KIF16B: variants seen among roughly 807,000 people sequenced by gnomAD.
KIF16B encodes the protein kinesin-like protein KIF16B.
KIF16B carries 98 observed loss-of-function variants against 156.3 expected under a neutral mutation model. That is an observed-to-expected ratio of 0.63 (90% confidence interval 0.53 to 0.74). The LOEUF (loss-of-function observed/expected upper bound fraction) is 0.74, where lower values mean the gene tolerates loss of function less well. KIF16B is among the 30% of genes least tolerant of loss of function. The probability of loss-of-function intolerance (pLI) is 0.00; values close to 1 mark genes in which losing one functional copy is unlikely to be tolerated. For synonymous variants in KIF16B, 564 were observed against 583.7 expected (o/e 0.97, Z 0.49); for missense variants, 1,421 against 1,606.5 (o/e 0.88, Z 1.97).
At position 16,289,625 on chromosome 20, in the gene KIF16B, G is replaced by A. The variant is rs150702175; in HGVS notation, c.3796-16214C>T. On this transcript the variant is annotated intron_variant, in intron 25 of 25. Coordinates refer to ENST00000354981, the MANE Select transcript of KIF16B (RefSeq NM_024704.5). ...TCCCAGCACTTTGGTAGGCCGAGGC[G>A]GACGGATCACGAGGTCAGGAGATCA... Among the ~76,000 whole-genome samples, 456 of 152,096 alleles carry A rather than the reference G, an allele frequency of 3.0e-3. 1 individual carries two copies. The highest frequency in any genetic ancestry group is 6.8e-3 in the Middle Eastern group (2 of 294).
chr20:16,553,505 T>C (rs1017129892), intron 1 of KIF16B, among the ~76,000 whole-genome samples: 2 of 152,194 alleles, frequency 1.3e-5, no homozygotes, highest in African/African-American at 4.8e-5. Context: ...GAGACAGACA[T>C]TGAGCCTAAG....
At chr20:16,477,998 G>T (rs557597387) in intron 12 of KIF16B, among the ~76,000 whole-genome samples, 1 of 152,238 alleles carries the variant, frequency 6.6e-6, no homozygotes, top group African/African-American at 2.4e-5. Context: ...ACCTCAGAAG[G>T]TACCGATGGG....
intron 12 of KIF16B, among the ~76,000 whole-genome samples, chr20:16,461,745 T>C (rs2146680797): frequency 6.6e-6 from 1 of 152,202 alleles, no homozygotes; most frequent in Middle Eastern, 3.4e-3. Flanking sequence ...AACTGTTAGA[T>C]AAAAGAAAGA....
Position 16,407,607 on chromosome 20 carries a change from AAGG to A in KIF16B, c.1613-1154_1613-1152del, listed in dbSNP as rs1472123660. On this transcript the variant is annotated intron_variant, in intron 15 of 25. Transcript: ENST00000354981. ...TTGCAGAGAGAGTCTAAGCTATAGA[AAGG>A]AGAATGGCCTGCTATGCTCAGGACA... 3.3e-5 allele frequency among the ~76,000 whole-genome samples: 5 copies of A among 152,228 alleles called. No homozygotes were observed. The East Asian group carries it at 9.7e-4, about 29-fold the overall frequency.
At chr20:16,484,047 T>C (rs1475690047) in intron 12 of KIF16B, among the ~76,000 whole-genome samples, 2 of 152,154 alleles carry the variant, frequency 1.3e-5, no homozygotes, top group East Asian at 1.9e-4. Flanking sequence ...TAGCAATAAA[T>C]ACGCAGTCAG....
intron 1 of KIF16B, among the ~76,000 whole-genome samples, chr20:16,567,495 G>T (rs2071295933): frequency 6.6e-6 from 1 of 152,124 alleles, no homozygotes; most frequent in South Asian, 2.1e-4. Flanking sequence ...GAGGCCATGG[G>T]CTTCTGTCAT....
intron 3 of KIF16B, among the ~76,000 whole-genome samples, chr20:16,517,954 A>G (rs148082246): frequency 8.9e-4 from 136 of 152,336 alleles, no homozygotes; most frequent in African/African-American, 3.2e-3. Context: ...AAAGGTTTTC[A>G]GAATAAAATT....
Position 16,517,210 on chromosome 20 carries a change from C to T in KIF16B, c.232-1546G>A, listed in dbSNP as rs139365080. Among the ~76,000 whole-genome samples, 1,255 of 152,346 alleles carry T rather than the reference C, an allele frequency of 8.2e-3. 7 individuals carry two copies. The highest frequency in any genetic ancestry group is 0.013 in the Non-Finnish European group (883 of 68,026). On this transcript the variant is annotated intron_variant, in intron 3 of 25. Coordinates refer to ENST00000354981, the MANE Select transcript of KIF16B (RefSeq NM_024704.5). ...CCATCTTCCCACTGACTTCTACAGA[C>T]TTTGTTTCCTCAGCCTCATCAGTAA...
At chr20:16,568,409 A>T (rs1190768949) in intron 1 of KIF16B, among the ~76,000 whole-genome samples, 2 of 152,224 alleles carry the variant, frequency 1.3e-5, no homozygotes, top group Non-Finnish European at 2.9e-5. Context: ...AACTGTAAAA[A>T]TAATAGTAAT....
At chr20:16,566,220 A>G (rs188046084) in intron 1 of KIF16B, among the ~76,000 whole-genome samples, 8 of 152,306 alleles carry the variant, frequency 5.3e-5, no homozygotes, top group East Asian at 3.9e-4. Flanking sequence ...CCAGAATCCA[A>G]TCGCCATGGG....
intron 1 of KIF16B, among the ~76,000 whole-genome samples, chr20:16,544,439 G>A (rs188168255): frequency 2.0e-4 from 31 of 151,834 alleles, no homozygotes; most frequent in Admixed American, 1.8e-3. Context: ...GTGAAACCCC[G>A]TCTCTACTAA....
chr20:16,507,599 G>GT (rs2068824558), intron 7 of KIF16B, among the ~76,000 whole-genome samples: 1 of 152,136 alleles, frequency 6.6e-6, no homozygotes, highest in Non-Finnish European at 1.5e-5. Context: ...ACTGCACTGA[G>GT]TTACTCACCT....
intron 3 of KIF16B, among the ~76,000 whole-genome samples, chr20:16,517,187 A>C (rs1276327102): frequency 1.3e-5 from 2 of 152,246 alleles, no homozygotes; most frequent in African/African-American, 4.8e-5. Flanking sequence ...CTTCAGATCC[A>C]TCTTCCCACT....
chr20:16,485,592 TC>T (rs1214411918), intron 12 of KIF16B, among the ~76,000 whole-genome samples: 1 of 152,196 alleles, frequency 6.6e-6, no homozygotes, highest in African/African-American at 2.4e-5. Context: ...CCCTCCCATC[TC>T]CAGGAACAGC....
chr20:16,356,560 A>C, intron 22 of KIF16B, 108 bp from the exon 23 acceptor site: 3 of 1,229,012 alleles, frequency 2.4e-6, no homozygotes, highest in Non-Finnish European at 3.4e-6. Context: ...TAGAGAAAAG[A>C]GCATCAAACC....
chr20:16,321,115 A>G (rs779809699), intron 24 of KIF16B, among the ~76,000 whole-genome samples: 12 of 152,120 alleles, frequency 7.9e-5, no homozygotes, highest in South Asian at 2.1e-4. Flanking sequence ...TTTTTTGTCA[A>G]TCTACATCTC....
At chr20:16,412,701 A>G (rs1192712921) in intron 15 of KIF16B, among the ~76,000 whole-genome samples, 4 of 152,128 alleles carry the variant, frequency 2.6e-5, no homozygotes, top group Admixed American at 2.0e-4. Context: ...CCCATGATTC[A>G]ACTATCTCCC....
At chr20:16,480,182 T>C (rs891661131) in intron 12 of KIF16B, among the ~76,000 whole-genome samples, 1 of 152,090 alleles carries the variant, frequency 6.6e-6, no homozygotes, top group African/African-American at 2.4e-5. Context: ...TCCAAGGGCA[T>C]ATTCAAAAAG....
intron 3 of KIF16B, among the ~76,000 whole-genome samples, chr20:16,524,418 G>GA (rs1238577475): frequency 3.3e-5 from 5 of 151,712 alleles, no homozygotes; most frequent in Non-Finnish European, 5.9e-5. Flanking sequence ...ACAAACATAC[G>GA]AAAAAAAAGC....
Sources: allele counts gnomAD v4.1 joint callset (sites outside exome capture counted in the v4.1 genomes callset), GRCh38; gene constraint gnomAD v4.1.1; transcripts MANE v1.5; gene names NCBI Gene and HGNC (gene_info 2026-07-23, HGNC 2026-07-21).